Variants in ALMS1 observed in about 807,000 individuals in gnomAD.
ALMS1 encodes centrosome-associated protein ALMS1.
In ALMS1, 271 loss-of-function variants were observed where a neutral mutation model predicts 352.2. That is an observed-to-expected ratio of 0.77 (90% CI 0.70 to 0.85). The LOEUF is 0.85. Among genes scored for constraint, ALMS1 ranks in the 40% least tolerant of loss-of-function variants. The pLI is 0.00. For missense variants in ALMS1, 5,445 were observed against 4,870.7 expected, an observed-to-expected ratio of 1.12 and a Z score of -3.51; for synonymous variants, 1,865 against 1,761.2, an observed-to-expected ratio of 1.06 and a Z score of -1.48.
At chr2:73,469,279 A>G (rs1017189708) in intron 9 of ALMS1, among the ~76,000 whole-genome samples, 2 of 151,982 alleles carry the variant, frequency 1.3e-5, no homozygotes, top group Non-Finnish European at 2.9e-5. Context: ...ATAAAATAAA[A>G]TCTATCAGTT....
At chr2:73,390,126 A>C (rs1043255890) in intron 1 of ALMS1, among the ~76,000 whole-genome samples, 6 of 152,108 alleles carry the variant, frequency 3.9e-5, no homozygotes, top group Admixed American at 3.9e-4. Flanking sequence ...ATGATAATAT[A>C]TAGAATATAT....
At chr2:73,532,468 C>T (rs1446623833) in intron 11 of ALMS1, among the ~76,000 whole-genome samples, 3 of 152,194 alleles carry the variant, frequency 2.0e-5, no homozygotes, top group Admixed American at 2.0e-4. Flanking sequence ...TTATTCTTTC[C>T]TCTTTTCCAC....
At chr2:73,479,797 AC>A (rs1484450195) in intron 9 of ALMS1, among the ~76,000 whole-genome samples, 2 of 152,130 alleles carry the variant, frequency 1.3e-5, no homozygotes, top group Admixed American at 6.6e-5. Flanking sequence ...GACAGGCCAC[AC>A]CTTTTTCCAG....
At position 73,490,808 on chromosome 2, in the gene ALMS1, C is replaced by A. The variant is rs777913623; in HGVS notation, c.8849C>A (p.Pro2950His). The A allele has an allele frequency of 1.9e-6, 3 of 1,613,934 alleles. No individual in the cohort carries two copies. Among genetic ancestry groups the A allele is most frequent in the Non-Finnish European group, 2.5e-6 (3 of 1,180,040 alleles). ...ATGAGAGAAAACCATTCTCCCCTTC[C>A]TCAAGGTCAGGATTCTATAGCTTCA... Reference protein sequence around the residue: ...HQMRENHSPLPQGQDSIASDL... With the variant: ...HQMRENHSPLHQGQDSIASDL... Residue 2950 changes from proline (P) to histidine (H), a missense_variant, in exon 10 of 23, where the codon CCT becomes CAT. Physicochemically the swap from Pro to His is moderately conservative, Grantham distance 77. Transcript: ENST00000613296.
chr2:73,485,870 G>C (rs971231609), intron 9 of ALMS1, among the ~76,000 whole-genome samples: 1 of 152,156 alleles, frequency 6.6e-6, no homozygotes, highest in Admixed American at 6.5e-5. Context: ...CTTTGACTAG[G>C]AAAGGGAACT....
Position 73,575,180 on chromosome 2 carries a change from G to A in ALMS1, c.11547+1756G>A, listed in dbSNP as rs901684541. ...GTTTATCCATTCATTTATTGATTTG[G>A]GTTGTTTCCACTTTTTGGTTATTGT... On this transcript the variant is annotated intron_variant, in intron 16 of 22. Coordinates refer to ENST00000613296, the MANE Select transcript of ALMS1 (RefSeq NM_001378454.1). Among the ~76,000 whole-genome samples, 10 of 151,974 alleles carry A rather than the reference G, an allele frequency of 6.6e-5. No homozygotes were observed. In the East Asian group the frequency reaches 1.9e-3, roughly 29 times the overall value.
At chr2:73,420,788 G>A (rs897976788) in intron 3 of ALMS1, among the ~76,000 whole-genome samples, 2 of 152,162 alleles carry the variant, frequency 1.3e-5, no homozygotes, top group Admixed American at 1.3e-4. Flanking sequence ...TAGATTCCTG[G>A]ATCTCATAGG....
At chr2:73,577,581 A>G (rs1114380) in intron 16 of ALMS1, among the ~76,000 whole-genome samples, 47,635 of 151,674 alleles carry the variant, frequency 0.31, 9,389 homozygotes, top group African/African-American at 0.56. Context: ...GCTTTTGTAG[A>G]TAAGTTCTGC....
Position 73,450,657 on chromosome 2 carries a change from C to T in ALMS1, c.4130C>T (p.Thr1377Ile). Reference protein sequence around the residue: ...VDQTTGTPTVTSTSYSQHTEK... With the variant: ...VDQTTGTPTVISTSYSQHTEK... ...CAGACAACTGGCACACCAACTGTAA[C>T]CTCTACTTCTTACTCACAACATACA... is the stretch of plus-strand genomic sequence containing the variant. The change falls in exon 8 of 23, where the codon ACC becomes ATC. Residue 1377 changes from threonine (T) to isoleucine (I), a missense_variant. Coordinates refer to ENST00000613296, the MANE Select transcript of ALMS1 (RefSeq NM_001378454.1). The T allele has an allele frequency of 6.2e-7, 1 of 1,613,678 alleles. No individual in the cohort carries two copies. The highest frequency in any genetic ancestry group is 1.1e-5 in the South Asian group (1 of 91,056).
intron 11 of ALMS1, among the ~76,000 whole-genome samples, chr2:73,529,799 G>A (rs953975421): frequency 3.3e-5 from 5 of 152,138 alleles, no homozygotes; most frequent in African/African-American, 9.7e-5. Context: ...GGCTGGGGAG[G>A]CCTCAGGAAA....
chr2:73,449,225 A>G lies in ALMS1; in HGVS notation c.2698A>G (p.Ile900Val), dbSNP rs748153861. 5 of 1,613,934 alleles carry G rather than the reference A, an allele frequency of 3.1e-6. No individual in the cohort carries two copies. The highest frequency in any genetic ancestry group is 4.2e-6 in the Non-Finnish European group (5 of 1,179,944). ...VPGPGDQKTG[I>V]PSAPSSFYSH... ...TGGACCAGGTGATCAGAAGACTGGG[A>G]TACCCTCAGCACCATCTAGTTTCTA... The change falls in exon 8 of 23, where the codon ATA becomes GTA. Residue 900 changes from isoleucine to valine, a missense_variant. Ile to Val is a conservative substitution (Grantham distance 29). Transcript: ENST00000613296.
chr2:73,450,866 C>T lies in ALMS1; in HGVS notation c.4339C>T (p.His1447Tyr), dbSNP rs1350478153. ...SFYQQVLPHS[H>Y]LPEEALEVSV... is the part of the protein sequence containing the mutation. ...CTACCAACAGGTCTTGCCACATAGT[C>T]ATCTACCTGAAGAGGCTTTGGAAGT... The change falls in exon 8 of 23, where the codon CAT (histidine) becomes TAT (tyrosine). Residue 1447 changes from histidine (H) to tyrosine (Y), a missense_variant. Physicochemically the swap from His to Tyr is moderately conservative, Grantham distance 83 (BLOSUM62 2). Transcript: ENST00000613296. The T allele has an allele frequency of 4.3e-6, 7 of 1,614,028 alleles. No individual in the cohort carries two copies. Among genetic ancestry groups the T allele is most frequent in the African/African-American group, 1.3e-5 (1 of 74,916 alleles).
intron 9 of ALMS1, among the ~76,000 whole-genome samples, chr2:73,477,087 G>A (rs1034924896): frequency 5.3e-5 from 8 of 152,022 alleles, no homozygotes; most frequent in Non-Finnish European, 7.4e-5. Context: ...TGTTGATGGT[G>A]TCCTTTGGTG....
At chr2:73,548,655 C>T (rs1674368127) in intron 12 of ALMS1, among the ~76,000 whole-genome samples, 1 of 152,202 alleles carries the variant, frequency 6.6e-6, no homozygotes, top group South Asian at 2.1e-4. Context: ...TATATAGTAA[C>T]TTAAACATTT....
intron 2 of ALMS1, among the ~76,000 whole-genome samples, chr2:73,416,991 A>G (rs748463862): frequency 6.6e-6 from 1 of 152,096 alleles, no homozygotes; most frequent in Non-Finnish European, 1.5e-5. Context: ...TACTCAGGAT[A>G]CTGAGGATGA....
At chr2:73,566,961 A>G (rs1196258424) in intron 15 of ALMS1, among the ~76,000 whole-genome samples, 1 of 152,234 alleles carries the variant, frequency 6.6e-6, no homozygotes, top group East Asian at 1.9e-4. Flanking sequence ...TGGGCAAGGT[A>G]TAGGGAAGGT....
At chr2:73,487,551 G>A (rs967535346) in intron 9 of ALMS1, among the ~76,000 whole-genome samples, 3 of 152,164 alleles carry the variant, frequency 2.0e-5, no homozygotes, top group African/African-American at 7.2e-5. Flanking sequence ...CTTCCCGAAA[G>A]GCCACAGCTT....
chr2:73,554,774 A>G (rs1468366885), intron 13 of ALMS1, among the ~76,000 whole-genome samples: 1 of 152,118 alleles, frequency 6.6e-6, no homozygotes, highest in Non-Finnish European at 1.5e-5. Flanking sequence ...GCCAGATTTT[A>G]TTTCCTAACC....
At chr2:73,525,965 A>G (rs1463368205) in intron 11 of ALMS1, among the ~76,000 whole-genome samples, 1 of 152,132 alleles carries the variant, frequency 6.6e-6, no homozygotes, top group Non-Finnish European at 1.5e-5. Context: ...ATGATGAAAG[A>G]TAGAGGTTTA....
Sources: allele counts gnomAD v4.1 joint callset (sites outside exome capture counted in the v4.1 genomes callset), GRCh38; gene constraint gnomAD v4.1.1; transcripts MANE v1.5; gene names NCBI Gene and HGNC (gene_info 2026-07-23, HGNC 2026-07-21).